Variants in ZKSCAN3 observed in about 807,000 individuals in gnomAD.
ZKSCAN3 encodes zinc finger with KRAB and SCAN domains 3.
A neutral mutation model predicts 30.7 loss-of-function variants in ZKSCAN3; 21 were observed. The ratio of observed to expected loss-of-function variants is 0.68; its 90% CI spans 0.49 to 0.99. ZKSCAN3 has a LOEUF of 0.99. Ranked by LOEUF, ZKSCAN3 falls within the 50% of genes least tolerant of loss-of-function variation. ZKSCAN3 has a pLI of 0.00. For missense variants in ZKSCAN3, 507 were observed against 647.1 expected, an observed-to-expected ratio of 0.78 and a Z score of 2.35; for synonymous variants, 201 against 246.7, an observed-to-expected ratio of 0.81 and a Z score of 1.73.
Position 28,363,433 on chromosome 6 carries a change from G to A in ZKSCAN3, c.633+48G>A, listed in dbSNP as rs200762103. On this transcript the variant is annotated intron_variant, in intron 4 of 5. Transcript: ENST00000252211. ...CCCCAATGCCCCTCACTACTATTGA[G>A]CTTCCTGTGAAGACTCCTCACTCCC... 38 of 1,572,176 alleles carry A rather than the reference G, an allele frequency of 2.4e-5. No homozygotes were observed. In the African/African-American group the frequency reaches 4.2e-4, roughly 17 times the overall value.
At chr6:28,356,221 C>T (rs1445458923) in intron 1 of ZKSCAN3, 1 of 152,282 alleles carries the variant, frequency 6.6e-6, no homozygotes, top group African/African-American at 2.4e-5. Context: ...CTGACTGCAG[C>T]AGGTAATCTT....
intron 2 of ZKSCAN3, chr6:28,360,547 A>C: frequency 1.0e-6 from 1 of 985,326 alleles, no homozygotes; most frequent in South Asian, 4.7e-5. Context: ...ACTGGTTATG[A>C]ACCTCTGGTA....
intron 3 of ZKSCAN3, among the ~76,000 whole-genome samples, chr6:28,362,891 C>G (rs138469094): frequency 6.6e-6 from 1 of 152,208 alleles, no homozygotes; most frequent in Non-Finnish European, 1.5e-5. Context: ...CCTCCTATCT[C>G]TAGCAAAATT....
Position 28,365,781 on chromosome 6 carries a change from G to A in ZKSCAN3, c.1113G>A (p.Glu371=), listed in dbSNP as rs1424063572. ...QRVHTGEKPY[E]CEECGKAFSH... ...TCCACACTGGTGAGAAGCCATATGA[G>A]TGTGAAGAATGTGGTAAGGCCTTCA... The change falls in exon 6 of 6, where the codon GAG becomes GAA. Residue 371 remains glutamate, a synonymous_variant. Coordinates refer to ENST00000252211, the MANE Select transcript of ZKSCAN3 (RefSeq NM_024493.4). 2 of 1,614,178 alleles carry A rather than the reference G, an allele frequency of 1.2e-6. No homozygotes were observed. The highest frequency in any genetic ancestry group is 1.7e-5 in the Admixed American group (1 of 60,026).
chr6:28,360,145 C>T lies in ZKSCAN3; in HGVS notation c.402+157C>T. 5.3e-6 allele frequency: 7 copies of T among 1,332,286 alleles called. No individual in the cohort carries two copies. In the South Asian group the frequency reaches 8.2e-5, roughly 16 times the overall value. The allele number at this position is 1,332,286 out of a possible 1,614,324, so 82.5% of individuals were successfully genotyped here. A position where few individuals can be genotyped will look rare whatever the true frequency, so the allele number is the denominator to read the frequency against. On this transcript the variant is annotated intron_variant, in intron 2 of 5. Transcript: ENST00000252211. ...GTAAGGTGAAGTCCCTGGACTCCTTCTCAGAATAATTTTTTTTTTAAAATA... is the reference window on the plus strand; with the variant it reads ...GTAAGGTGAAGTCCCTGGACTCCTTTTCAGAATAATTTTTTTTTTAAAATA...
At chr6:28,352,988 G>A (rs1192396185) in intron 1 of ZKSCAN3, among the ~76,000 whole-genome samples, 4 of 141,536 alleles carry the variant, frequency 2.8e-5, no homozygotes, top group Non-Finnish European at 6.0e-5. Context: ...TTTTGAGGCA[G>A]AGTCTTGCTC....
In ZKSCAN3 at chr6:28,359,715, G is replaced by C; in HGVS notation, c.129G>C (p.Glu43Asp). Residue 43 changes from glutamate to aspartate, a missense_variant, in exon 2 of 6, where the codon GAG (glutamate) becomes GAC (aspartate). Coordinates refer to ENST00000252211, the MANE Select transcript of ZKSCAN3 (RefSeq NM_024493.4). Reference sequence around the variant, plus strand: ...CCAGTAGCCCAGATCTGGGTTCTGAGGGCTCCCGCGAGCGCTTCCGAGGCT... The same window carrying C: ...CCAGTAGCCCAGATCTGGGTTCTGACGGCTCCCGCGAGCGCTTCCGAGGCT... ...GFPSSPDLGS[E>D]GSRERFRGFR... The C allele has an allele frequency of 6.2e-7, 1 of 1,614,236 alleles. No homozygotes were observed.
intron 1 of ZKSCAN3, among the ~76,000 whole-genome samples, chr6:28,356,811 A>G (rs1765458688): frequency 6.6e-6 from 1 of 152,236 alleles, no homozygotes; most frequent in Non-Finnish European, 1.5e-5. Flanking sequence ...TGTTTCCACC[A>G]GAGCCCATCC....
At chr6:28,352,276 G>C (rs1311163353) in intron 1 of ZKSCAN3, among the ~76,000 whole-genome samples, 1 of 152,072 alleles carries the variant, frequency 6.6e-6, no homozygotes, top group Non-Finnish European at 1.5e-5. Flanking sequence ...AAAAGTTATT[G>C]ATGTATTAAA....
Position 28,365,678 on chromosome 6 carries a change from CT to C in ZKSCAN3, c.1011del (p.Gly338ValfsTer105). 6.2e-7 allele frequency: 1 copy of C among 1,614,190 alleles called. No homozygotes were observed. The highest frequency in any genetic ancestry group is 8.5e-7 in the Non-Finnish European group (1 of 1,180,000). ...CTGAGTAAACACAGGAGAATCCACA[CT>C]GGTGAGAAACCCTACGAATGTGAAG... is the stretch of plus-strand genomic sequence containing the variant. ...SGLSKHRRIHTGEKPYECEEC... is the reference protein window; with the variant it reads ...SGLSKHRRIHXGEKPYECEEC... On this transcript the variant is annotated frameshift_variant, in exon 6 of 6. Coordinates refer to ENST00000252211, the MANE Select transcript of ZKSCAN3 (RefSeq NM_024493.4). LOFTEE classifies it high-confidence loss of function.
intron 1 of ZKSCAN3, among the ~76,000 whole-genome samples, chr6:28,358,533 T>G (rs1182207272): frequency 6.6e-6 from 1 of 152,072 alleles, no homozygotes; most frequent in African/African-American, 2.4e-5. Context: ...CCCACAGATA[T>G]AGAATCAACT....
chr6:28,364,643 C>T (rs1246119490), intron 5 of ZKSCAN3, among the ~76,000 whole-genome samples: 1 of 152,170 alleles, frequency 6.6e-6, no homozygotes. Flanking sequence ...CTGCCTCTGC[C>T]TGGGATATGA....
intron 3 of ZKSCAN3, 28 bp from the exon 4 acceptor site, chr6:28,363,275 T>C: frequency 1.9e-6 from 3 of 1,603,408 alleles, no homozygotes; most frequent in Non-Finnish European, 2.6e-6. Flanking sequence ...CCAGGGTACA[T>C]CTCATCCAGA....
intron 5 of ZKSCAN3, 143 bp downstream of exon 5, chr6:28,363,958 C>G: frequency 9.3e-7 from 1 of 1,078,352 alleles, no homozygotes; most frequent in Non-Finnish European, 1.3e-6. Flanking sequence ...CTGACTAGCT[C>G]CTTACCCTTT....
intron 2 of ZKSCAN3, 129 bp from the exon 3 acceptor site, chr6:28,361,195 T>C: frequency 2.0e-6 from 2 of 1,025,338 alleles, no homozygotes; most frequent in Non-Finnish European, 2.8e-6. Context: ...ATACCTCCCT[T>C]ATAAGATTGT....
At chr6:28,356,443 G>T (rs555187240) in intron 1 of ZKSCAN3, among the ~76,000 whole-genome samples, 50 of 151,878 alleles carry the variant, frequency 3.3e-4, no homozygotes, top group Non-Finnish European at 6.8e-4. Flanking sequence ...CAGAATTCAG[G>T]CAGGGAGTCT....
chr6:28,358,070 C>T (rs1344913207), intron 1 of ZKSCAN3, among the ~76,000 whole-genome samples: 1 of 152,222 alleles, frequency 6.6e-6, no homozygotes, highest in African/African-American at 2.4e-5. Context: ...TACAGCCATC[C>T]TTCACTATCT....
intron 1 of ZKSCAN3, among the ~76,000 whole-genome samples, chr6:28,359,134 CAT>C (rs1765622851): frequency 6.6e-6 from 1 of 152,060 alleles, no homozygotes; most frequent in African/African-American, 2.4e-5. Flanking sequence ...CTTGCTATCT[CAT>C]ATTGAAAGTC....
intron 1 of ZKSCAN3, chr6:28,354,209 T>G (rs780573501): frequency 4.2e-4 from 140 of 332,816 alleles, no homozygotes; most frequent in Non-Finnish European, 7.3e-4. Context: ...ACAAGTCCTA[T>G]GTACAGTGTC....
Sources: allele counts gnomAD v4.1 joint callset (sites outside exome capture counted in the v4.1 genomes callset), GRCh38; gene constraint gnomAD v4.1.1; transcripts MANE v1.5; gene names NCBI Gene and HGNC (gene_info 2026-07-23, HGNC 2026-07-21).